Variants in LRP2 observed in about 807,000 individuals in gnomAD.
LRP2 encodes the protein LDL receptor related protein 2.
In LRP2, 172 loss-of-function variants were observed where a neutral mutation model predicts 531.0. The ratio of observed to expected loss-of-function variants is 0.32; its 90% confidence interval spans 0.29 to 0.37. The LOEUF (loss-of-function observed/expected upper bound fraction) is 0.37, where lower values mean the gene tolerates loss of function less well. Among genes scored for constraint, LRP2 ranks in the 10% least tolerant of loss-of-function variants. The pLI is 1.00. For synonymous variants in LRP2, 1,992 were observed against 2,027.6 expected (o/e 0.98, Z 0.47); for missense variants, 5,167 against 5,868.3 (o/e 0.88, Z 3.90).
chr2:169,326,264 G>A (rs1443434258), intron 1 of LRP2, among the ~76,000 whole-genome samples: 1 of 142,108 alleles, frequency 7.0e-6, no homozygotes, highest in Admixed American at 7.2e-5. Context: ...CTCTGATGCC[G>A]AGCCGAAGCT....
rs374287196 is a variant in LRP2 at position 169,168,619 on chromosome 2, T to C, written c.11555A>G (p.His3852Arg). 3.1e-6 allele frequency: 5 copies of C among 1,613,966 alleles called. No individual in the cohort carries two copies. The African/African-American group carries it at 6.7e-5, about 22-fold the overall frequency. ...CQATMFECKN[H>R]VCIPPYWKCD... ...TTTCCAATATGGCGGGATACAAACA[T>C]GGTTTTTGCATTCGAACATAGTAGC... is the stretch of plus-strand genomic sequence containing the variant. Residue 3852 changes from histidine to arginine, a missense_variant, in exon 61 of 79, where the codon CAT becomes CGT. Around this residue, in one of 6 missense-constraint regions of LRP2, gnomAD observed 564 missense variants for 747.7 expected, o/e 0.75. Coordinates refer to ENST00000649046, the MANE Select transcript of LRP2 (RefSeq NM_004525.3).
Position 169,280,415 on chromosome 2 carries a change from C to A in LRP2, c.1276G>T (p.Ala426Ser), listed in dbSNP as rs1320178546. 6.2e-7 allele frequency: 1 copy of A among 1,614,140 alleles called. No homozygotes were observed. The highest frequency in any genetic ancestry group is 1.1e-5 in the South Asian group (1 of 91,080). ...TGATAGTGGAAAGCCACACCCACGG[C>A]CACTCCACGATTCTGAGACTCCACT... ...ILVESQNRGV[A>S]VGVAFHYHLQ... Residue 426 changes from alanine (A) to serine (S), a missense_variant, in exon 11 of 79, where the codon GCC becomes TCC. Coordinates refer to ENST00000649046, the MANE Select transcript of LRP2 (RefSeq NM_004525.3).
chr2:169,355,265 A>G (rs770992326), intron 1 of LRP2, among the ~76,000 whole-genome samples: 10 of 152,150 alleles, frequency 6.6e-5, no homozygotes, highest in Non-Finnish European at 1.5e-4. Flanking sequence ...ATTCCTTTCA[A>G]TTCTGTAAGT....
intron 45 of LRP2, among the ~76,000 whole-genome samples, chr2:169,198,468 A>T (rs1406790775): frequency 6.6e-6 from 1 of 152,210 alleles, no homozygotes; most frequent in South Asian, 2.1e-4. Flanking sequence ...AGAGTAAATT[A>T]TAAGGGCTTA....
intron 62 of LRP2, among the ~76,000 whole-genome samples, chr2:169,163,412 A>G (rs1354553665): frequency 1.3e-5 from 2 of 152,194 alleles, no homozygotes; most frequent in African/African-American, 2.4e-5. Flanking sequence ...CCAAACAGTA[A>G]AAGTCTGAAG....
intron 16 of LRP2, among the ~76,000 whole-genome samples, chr2:169,267,044 C>T (rs555946711): frequency 2.6e-5 from 4 of 151,680 alleles, no homozygotes; most frequent in Non-Finnish European, 4.4e-5. Context: ...CATGCCACCA[C>T]ATCTGGCTAA....
chr2:169,231,733 A>G lies in LRP2; in HGVS notation c.5208T>C (p.Asp1736=). Residue 1736 remains aspartate, a synonymous_variant, in exon 31 of 79, where the codon GAT becomes GAC. Transcript: ENST00000649046. ...CTATACCTCTCAAGCAATTCAGGAGATCAGGAGACAGACTCCATCCTGAAG... is the reference window on the plus strand; with the variant it reads ...CTATACCTCTCAAGCAATTCAGGAGGTCAGGAGACAGACTCCATCCTGAAG... ...VCPSGWSLSP[D]LLNCLRDDQP... 6.2e-7 allele frequency: 1 copy of G among 1,614,054 alleles called. No homozygotes were observed. The highest frequency in any genetic ancestry group is 8.5e-7 in the Non-Finnish European group (1 of 1,179,954).
At position 169,177,843 on chromosome 2, in the gene LRP2, T is replaced by A. The variant is rs1558997777; in HGVS notation, c.10353A>T (p.Pro3451=). Residue 3451 remains proline, a synonymous_variant, in exon 53 of 79, where the codon CCA becomes CCT. Transcript: ENST00000649046. The part of the protein sequence containing the change: ...RQTLVNTTHR[P]FDIHVYHPYR... The stretch of plus-strand genomic sequence containing the variant: ...ATGGATGGTACACATGGATGTCAAA[T>A]GGTCTGTGTGTTGTGTTCACCAGTG... 1 of 1,614,224 alleles carries A rather than the reference T, an allele frequency of 6.2e-7. No individual in the cohort carries two copies. Among genetic ancestry groups the A allele is most frequent in the Middle Eastern group, 1.6e-4 (1 of 6,062 alleles).
rs369095967 is a variant in LRP2 at position 169,275,001 on chromosome 2, G to C, written c.1975+35C>G. ...TGAGAAAACCTTTCCACCAAGTCCG[G>C]TACCAAGCATGGTTACCACTGCTCT... On this transcript the variant is annotated intron_variant, in intron 14 of 78. Coordinates refer to ENST00000649046, the MANE Select transcript of LRP2 (RefSeq NM_004525.3). The C allele has an allele frequency of 1.9e-6, 3 of 1,601,766 alleles. No individual in the cohort carries two copies. In the African/African-American group the frequency reaches 4.0e-5, roughly 21 times the overall value.
chr2:169,154,567 C>A lies in LRP2; in HGVS notation c.12188G>T (p.Arg4063Leu), dbSNP rs773743636. The change falls in exon 66 of 79, where the codon CGA (arginine) becomes CTA (leucine). Residue 4063 changes from arginine (R) to leucine (L), a missense_variant. This residue lies in a region of LRP2 where 564 missense variants were observed against 747.7 expected (regional missense o/e 0.75). Transcript: ENST00000649046. ...SPLLLLPDNV[R>L]IRKYNLSSER... is the part of the protein sequence containing the mutation. ...AGATGAGAGATTATATTTTCGAATT[C>A]GGACATTGTCAGGCAGTAGCAACAA... 1 of 1,613,352 alleles carries A rather than the reference C, an allele frequency of 6.2e-7. No individual in the cohort carries two copies. Among genetic ancestry groups the A allele is most frequent in the African/African-American group, 1.3e-5 (1 of 74,866 alleles).
chr2:169,216,181 A>G, intron 35 of LRP2, 72 bp downstream of exon 35: 1 of 1,504,324 alleles, frequency 6.6e-7, no homozygotes, highest in Non-Finnish European at 9.2e-7. Context: ...CCACTGCCTG[A>G]CAGCTCAGAA....
intron 52 of LRP2, among the ~76,000 whole-genome samples, chr2:169,178,481 G>A (rs741378): frequency 0.53 from 80,842 of 152,036 alleles, 22,034 homozygotes; most frequent in Admixed American, 0.64. Flanking sequence ...TTAACATTCC[G>A]GAGGGGACGT....
chr2:169,294,073 G>C, intron 6 of LRP2, 75 bp downstream of exon 6: 2 of 995,350 alleles, frequency 2.0e-6, no homozygotes, highest in Middle Eastern at 2.0e-4. Flanking sequence ...GGGAGCGGGG[G>C]GATAAAACAA....
At chr2:169,232,806 G>A (rs868077373) in intron 30 of LRP2, among the ~76,000 whole-genome samples, 6 of 152,342 alleles carry the variant, frequency 3.9e-5, no homozygotes, top group African/African-American at 4.8e-5. Flanking sequence ...TGGCAACAGC[G>A]AGTGGGAGAA....
intron 16 of LRP2, among the ~76,000 whole-genome samples, chr2:169,265,350 G>C (rs1213100030): frequency 6.6e-6 from 1 of 151,966 alleles, no homozygotes; most frequent in African/African-American, 2.4e-5. Context: ...AGCTGACAAG[G>C]CCTATCCACA....
Position 169,175,374 on chromosome 2 carries a change from C to A in LRP2, c.10587G>T (p.Trp3529Cys). ...AGTCTTTCTGTCCATCACATTTCCA[C>A]CAGATAGGAATGCACCTGCACAGAG... ...CANNEKCIPI[W>C]WKCDGQKDCS... Residue 3529 changes from tryptophan to cysteine, a missense_variant, in exon 55 of 79, where the codon TGG becomes TGT. Transcript: ENST00000649046. 1 of 1,614,108 alleles carries A rather than the reference C, an allele frequency of 6.2e-7. No homozygotes were observed. Among genetic ancestry groups the A allele is most frequent in the Non-Finnish European group, 8.5e-7 (1 of 1,180,018 alleles).
chr2:169,235,860 G>C lies in LRP2; in HGVS notation c.4900C>G (p.Gln1634Glu). 6.2e-7 allele frequency: 1 copy of C among 1,614,038 alleles called. No individual in the cohort carries two copies. The highest frequency in any genetic ancestry group is 2.2e-5 in the East Asian group (1 of 44,886). The change falls in exon 29 of 79, where the codon CAG becomes GAG. Residue 1634 changes from glutamine (Q) to glutamate (E), a missense_variant. Around this residue, in one of 6 missense-constraint regions of LRP2, gnomAD observed 2,811 missense variants for 3,058.0 expected, o/e 0.92. Coordinates refer to ENST00000649046, the MANE Select transcript of LRP2 (RefSeq NM_004525.3). Reference protein sequence around the residue: ...FCDYNGHHRRQVIASDLIIRH... With the variant: ...FCDYNGHHRREVIASDLIIRH... Reference sequence around the variant, plus strand: ...CTTACCAAATCACTGGCTATCACCTGTCTCCGATGGTGTCCATTATAATCA... The same window carrying C: ...CTTACCAAATCACTGGCTATCACCTCTCTCCGATGGTGTCCATTATAATCA...
At chr2:169,167,649 A>T (rs1297165043) in intron 61 of LRP2, among the ~76,000 whole-genome samples, 1 of 151,944 alleles carries the variant, frequency 6.6e-6, no homozygotes, top group Non-Finnish European at 1.5e-5. Flanking sequence ...TTCTATTTGG[A>T]TAGGGTGCAT....
At chr2:169,324,080 C>T (rs1684979315) in intron 1 of LRP2, among the ~76,000 whole-genome samples, 1 of 152,210 alleles carries the variant, frequency 6.6e-6, no homozygotes, top group Non-Finnish European at 1.5e-5. Context: ...AAATGGCACA[C>T]ACCATTCTAA....
Sources: allele counts gnomAD v4.1 joint callset (sites outside exome capture counted in the v4.1 genomes callset), GRCh38; gene constraint gnomAD v4.1.1; regional missense constraint gnomAD v4.1.1; transcripts MANE v1.5; gene names NCBI Gene and HGNC (gene_info 2026-07-23, HGNC 2026-07-21).